SDCCAG8: variants seen among roughly 807,000 people sequenced by gnomAD.
SDCCAG8 encodes the protein serologically defined colon cancer antigen 8.
SDCCAG8 carries 74 observed loss-of-function variants against 101.8 expected under a neutral mutation model. The observed-to-expected ratio is 0.73, with a 90% CI of 0.60 to 0.88. The LOEUF (loss-of-function observed/expected upper bound fraction) is 0.88. SDCCAG8 is among the 40% of genes least tolerant of loss of function. The pLI is 0.00. For synonymous variants in SDCCAG8, 281 were observed against 292.9 expected (o/e 0.96, Z 0.41); for missense variants, 787 against 822.6 (o/e 0.96, Z 0.53).
rs2069964013 is a variant in SDCCAG8 at position 243,289,223 on chromosome 1, G to A, written c.546+2826G>A. 2.6e-5 allele frequency among the ~76,000 whole-genome samples: 4 copies of A among 152,232 alleles called. No individual in the cohort carries two copies. The South Asian group carries it at 8.3e-4, about 32-fold the overall frequency. The stretch of plus-strand genomic sequence containing the variant: ...CCCAAAGCTGAAGAACCCGCTGTCT[G>A]AGGTACAAGAACAGGAAGCATCTAG... On this transcript the variant is annotated intron_variant, in intron 5 of 17. Transcript: ENST00000366541.
In SDCCAG8 at chr1:243,416,843, T is replaced by A. The variant is rs2080618552; in HGVS notation, c.1744+1014T>A. ...ATTGATCCTGTCTCTTCCAGAAAAA[T>A]GTTGCTTAATTTTAGTGCCTTGATT... On this transcript the variant is annotated intron_variant, in intron 14 of 17. Coordinates refer to ENST00000366541, the MANE Select transcript of SDCCAG8 (RefSeq NM_006642.5). The surrounding 1 kb of genome is among the most constrained non-coding windows in gnomAD (Gnocchi z 4.3). Among the ~76,000 whole-genome samples, 2 of 152,188 alleles carry A rather than the reference T, an allele frequency of 1.3e-5. No homozygotes were observed. Among genetic ancestry groups the A allele is most frequent in the Admixed American group, 1.3e-4 (2 of 15,274 alleles).
In SDCCAG8 at chr1:243,499,745, A is replaced by AT. The variant is rs749233183; in HGVS notation, c.2113-5dup. ...GAGCTATTGAAACTTACTTTTTATT[A>AT]TTTTTTCCAGTTACCCAGCATGCCA... On this transcript the variant is annotated splice_polypyrimidine_tract_variant and intron_variant, in intron 17 of 17. Coordinates refer to ENST00000366541, the MANE Select transcript of SDCCAG8 (RefSeq NM_006642.5). 5.0e-6 allele frequency: 8 copies of AT among 1,608,044 alleles called. No individual in the cohort carries two copies. The highest frequency in any genetic ancestry group is 1.7e-5 in the Admixed American group (1 of 60,010).
intron 13 of SDCCAG8, among the ~76,000 whole-genome samples, chr1:243,410,365 C>G (rs992975509): frequency 6.6e-6 from 1 of 152,170 alleles, no homozygotes; most frequent in Non-Finnish European, 1.5e-5. Flanking sequence ...AAACTCACAT[C>G]GGTACCCAGC....
chr1:243,309,215 G>A (rs549058529), intron 8 of SDCCAG8, among the ~76,000 whole-genome samples: 1 of 152,222 alleles, frequency 6.6e-6, no homozygotes, highest in Non-Finnish European at 1.5e-5. Context: ...TGACTGCTTG[G>A]GTTCATATTC....
rs933510435 is a variant in SDCCAG8, at chr1:243,474,103, A to G, written c.1986-14911A>G. Among the ~76,000 whole-genome samples, 4 of 152,056 alleles carry G rather than the reference A, an allele frequency of 2.6e-5. No individual in the cohort carries two copies. Among genetic ancestry groups the G allele is most frequent in the Non-Finnish European group, 4.4e-5 (3 of 68,004 alleles). ...TTTATTAAAATTTGAGTCCTTCATG[A>G]TCACTGACAAACAATGATTCATTGG... On this transcript the variant is annotated intron_variant, in intron 16 of 17. Coordinates refer to ENST00000366541, the MANE Select transcript of SDCCAG8 (RefSeq NM_006642.5). The surrounding 1 kb of genome is among the most constrained non-coding windows in gnomAD (Gnocchi z 4.7).
intron 10 of SDCCAG8, among the ~76,000 whole-genome samples, chr1:243,335,747 G>A (rs904179973): frequency 6.6e-6 from 1 of 151,896 alleles, no homozygotes; most frequent in African/African-American, 2.4e-5. Context: ...CCCTACATAA[G>A]CATAGTACCC....
chr1:243,348,021 C>CT (rs2075821597), intron 12 of SDCCAG8, among the ~76,000 whole-genome samples: 1 of 140,832 alleles, frequency 7.1e-6, no homozygotes, highest in East Asian at 2.0e-4. Context: ...GCTGGACATG[C>CT]ATTTTTTTTT....
At chr1:243,487,466 G>A (rs1665206441) in intron 16 of SDCCAG8, among the ~76,000 whole-genome samples, 1 of 152,200 alleles carries the variant, frequency 6.6e-6, no homozygotes, top group Admixed American at 6.5e-5. Flanking sequence ...GATGAGGTGG[G>A]GTGTTGGAGC....
At chr1:243,428,610 A>G (rs573040212) in intron 16 of SDCCAG8, among the ~76,000 whole-genome samples, 25 of 152,340 alleles carry the variant, frequency 1.6e-4, no homozygotes, top group South Asian at 4.1e-4. Flanking sequence ...TATGTCATGA[A>G]TACATAAAAC....
chr1:243,359,508 G>C (rs377667168), intron 12 of SDCCAG8, among the ~76,000 whole-genome samples: 2 of 152,216 alleles, frequency 1.3e-5, no homozygotes, highest in Non-Finnish European at 2.9e-5. Context: ...GGGAACAAGA[G>C]TGGGAAGTGA....
At chr1:243,270,817 AATTCTTTTTTTT>A (rs1397831092) in intron 2 of SDCCAG8, among the ~76,000 whole-genome samples, 149 bp from the exon 3 acceptor site, 1 of 151,664 alleles carries the variant, frequency 6.6e-6, no homozygotes, top group African/African-American at 2.4e-5. Context: ...AAGGGGTAGA[AATTCTTTTTTTT>A]TTTTTATGTT....
chr1:243,292,694 A>G (rs2070392858), intron 5 of SDCCAG8, among the ~76,000 whole-genome samples: 1 of 152,244 alleles, frequency 6.6e-6, no homozygotes, highest in African/African-American at 2.4e-5. Context: ...TACATAAAAC[A>G]GGGTCTGGAA....
intron 9 of SDCCAG8, among the ~76,000 whole-genome samples, chr1:243,327,518 AATT>A (rs1272181025): frequency 2.7e-5 from 4 of 150,464 alleles, no homozygotes; most frequent in African/African-American, 9.7e-5. Flanking sequence ...TAGAAATTAA[AATT>A]ATAATTTATA....
At chr1:243,396,849 T>G (rs1299866216) in intron 13 of SDCCAG8, among the ~76,000 whole-genome samples, 1 of 152,232 alleles carries the variant, frequency 6.6e-6, no homozygotes, top group African/African-American at 2.4e-5. Flanking sequence ...ACAAGTACAT[T>G]ACACAACAGA....
At chr1:243,266,585 C>T (rs557902007) in intron 1 of SDCCAG8, among the ~76,000 whole-genome samples, 252 of 151,804 alleles carry the variant, frequency 1.7e-3, no homozygotes, top group East Asian at 1.6e-3. Context: ...CTCCCAAAGT[C>T]CCAGGACCAC....
intron 12 of SDCCAG8, among the ~76,000 whole-genome samples, chr1:243,354,560 T>C (rs2076280188): frequency 1.9e-4 from 29 of 152,196 alleles, no homozygotes; most frequent in Admixed American, 1.9e-3. Flanking sequence ...CTGTCAAAGG[T>C]AGTATTGTGC....
intron 7 of SDCCAG8, chr1:243,307,771 A>G: frequency 3.5e-6 from 5 of 1,432,668 alleles, no homozygotes; most frequent in Non-Finnish European, 4.5e-6. Flanking sequence ...TAAGCTAATT[A>G]TGTAATTTAT....
At chr1:243,322,458 A>G (rs1343015066) in intron 9 of SDCCAG8, among the ~76,000 whole-genome samples, 3 of 152,212 alleles carry the variant, frequency 2.0e-5, no homozygotes, top group Non-Finnish European at 4.4e-5. Flanking sequence ...GCTTTTTCCC[A>G]TTGCACATGC....
chr1:243,303,634 C>G (rs989891748), intron 6 of SDCCAG8, among the ~76,000 whole-genome samples: 18 of 152,152 alleles, frequency 1.2e-4, no homozygotes, highest in African/African-American at 4.1e-4. Flanking sequence ...TTCCTAATAA[C>G]ATTATCTTTT....
Sources: allele counts gnomAD v4.1 joint callset (sites outside exome capture counted in the v4.1 genomes callset), GRCh38; gene constraint gnomAD v4.1.1; non-coding constraint Gnocchi (gnomAD v3.1); transcripts MANE v1.5; gene names NCBI Gene and HGNC (gene_info 2026-07-23, HGNC 2026-07-21).